The following COL4A3 variants were observed in gnomAD, a reference collection of about 807,000 sequenced individuals.
COL4A3 encodes collagen alpha-3(IV) chain.
A neutral mutation model predicts 217.4 loss-of-function variants in COL4A3; 135 were observed. That is an observed-to-expected ratio of 0.62 (90% CI 0.54 to 0.72). The LOEUF (loss-of-function observed/expected upper bound fraction) is 0.72. COL4A3 is among the 30% of genes least tolerant of loss of function. The probability of loss-of-function intolerance (pLI) is 0.00; values close to 1 mark genes in which losing one functional copy is unlikely to be tolerated. For synonymous variants in COL4A3, 690 were observed against 736.3 expected (o/e 0.94, Z 1.02); for missense variants, 1,868 against 2,119.9 (o/e 0.88, Z 2.33).
chr2:227,308,579 T>G (rs1342915154), intron 48 of COL4A3, among the ~76,000 whole-genome samples: 4 of 152,250 alleles, frequency 2.6e-5, no homozygotes, highest in African/African-American at 7.2e-5. Flanking sequence ...TATTAGCTAT[T>G]ATGTACATAT....
In COL4A3 at chr2:227,186,488, G is replaced by C. The variant is rs541469514; in HGVS notation, c.87+21675G>C. Among the ~76,000 whole-genome samples, 41 of 152,316 alleles carry C rather than the reference G, an allele frequency of 2.7e-4. No homozygotes were observed. The East Asian group carries it at 7.5e-3, about 28-fold the overall frequency. On this transcript the variant is annotated intron_variant, in intron 1 of 51. Coordinates refer to ENST00000396578, the MANE Select transcript of COL4A3 (RefSeq NM_000091.5). ...GTGTGGGGAACAGCTAATAGTGAGAGCAGCACAAAAGGAGTTTGAATTTGG... is the reference window on the plus strand; with the variant it reads ...GTGTGGGGAACAGCTAATAGTGAGACCAGCACAAAAGGAGTTTGAATTTGG...
intron 1 of COL4A3, among the ~76,000 whole-genome samples, chr2:227,174,631 C>T (rs573735580): frequency 2.2e-4 from 33 of 152,112 alleles, no homozygotes; most frequent in Non-Finnish European, 3.8e-4. Context: ...CTCAGCCTCC[C>T]GAGTAGCTGG....
intron 1 of COL4A3, among the ~76,000 whole-genome samples, chr2:227,195,774 G>A (rs2066451379): frequency 6.6e-6 from 1 of 150,460 alleles, no homozygotes; most frequent in African/African-American, 2.5e-5. Context: ...TTTATCATAG[G>A]AGATGACAGC....
chr2:227,306,113 T>C (rs2073490296), intron 47 of COL4A3, among the ~76,000 whole-genome samples: 1 of 152,240 alleles, frequency 6.6e-6, no homozygotes, highest in South Asian at 2.1e-4. Context: ...TGATAAACCA[T>C]TCTTATTAAG....
chr2:227,202,742 A>AT lies in COL4A3; in HGVS notation c.88-35226_88-35225insT, dbSNP rs2066747281. Reference sequence around the variant, plus strand: ...AGTGCGAGAATCCGTCTCTAAAAAAAAAAAATATATATATATATATATATA... The same window carrying AT: ...AGTGCGAGAATCCGTCTCTAAAAAAATAAAAATATATATATATATATATATA... On this transcript the variant is annotated intron_variant, in intron 1 of 51. Coordinates refer to ENST00000396578, the MANE Select transcript of COL4A3 (RefSeq NM_000091.5). Among the ~76,000 whole-genome samples, 11 of 90,220 alleles carry AT rather than the reference A, an allele frequency of 1.2e-4. 1 individual carries two copies. Among genetic ancestry groups the AT allele is most frequent in the Non-Finnish European group, 1.8e-4 (8 of 45,236 alleles). The allele number at this position is 90,220 out of a possible 152,430, so 59.2% of individuals were successfully genotyped here.
At chr2:227,308,753 C>G in intron 48 of COL4A3, 146 bp from the exon 49 acceptor site, 1 of 826,968 alleles carries the variant, frequency 1.2e-6, no homozygotes, top group East Asian at 2.6e-5. Context: ...GAAAACTTTT[C>G]AATACTACAT....
intron 50 of COL4A3, among the ~76,000 whole-genome samples, chr2:227,309,909 G>C (rs949678439): frequency 3.3e-5 from 5 of 152,122 alleles, no homozygotes; most frequent in African/African-American, 9.7e-5. Context: ...TTACAGGCAT[G>C]AGTCACTGCA....
At chr2:227,300,560 T>C (rs942254749) in intron 43 of COL4A3, among the ~76,000 whole-genome samples, 53 of 152,354 alleles carry the variant, frequency 3.5e-4, no homozygotes, top group Non-Finnish European at 5.1e-4. Context: ...TCTGTTTACA[T>C]CAAATCCTTG....
chr2:227,295,167 G>A, intron 40 of COL4A3, 102 bp from the exon 41 acceptor site: 2 of 1,502,050 alleles, frequency 1.3e-6, no homozygotes, highest in East Asian at 2.3e-5. Flanking sequence ...TGATAGAACT[G>A]ATTATCTTTA....
intron 51 of COL4A3, 83 bp downstream of exon 51, chr2:227,311,031 A>G: frequency 6.7e-7 from 1 of 1,488,352 alleles, no homozygotes. Context: ...GTCAACGAGT[A>G]GCCATGATTT....
At chr2:227,225,246 A>G (rs529862604) in intron 1 of COL4A3, among the ~76,000 whole-genome samples, 2 of 152,250 alleles carry the variant, frequency 1.3e-5, no homozygotes, top group South Asian at 4.1e-4. Flanking sequence ...TTTTTTTCAA[A>G]TGGTCCTATG....
At chr2:227,175,144 C>T (rs1030560694) in intron 1 of COL4A3, among the ~76,000 whole-genome samples, 7 of 152,096 alleles carry the variant, frequency 4.6e-5, no homozygotes, top group Non-Finnish European at 1.0e-4. Context: ...AGAGAGGCCA[C>T]ACACTACCAA....
intron 1 of COL4A3, among the ~76,000 whole-genome samples, chr2:227,182,679 T>G (rs1175892404): frequency 6.6e-6 from 1 of 152,212 alleles, no homozygotes; most frequent in Non-Finnish European, 1.5e-5. Context: ...ATAGCTATAT[T>G]ATTATCTCAG....
chr2:227,199,080 A>G (rs2066587577), intron 1 of COL4A3, among the ~76,000 whole-genome samples: 1 of 152,184 alleles, frequency 6.6e-6, no homozygotes, highest in African/African-American at 2.4e-5. Flanking sequence ...TCCTAAGGAC[A>G]GATTAGGAGC....
At chr2:227,308,326 CCTCAGA>C (rs1444218093) in intron 48 of COL4A3, among the ~76,000 whole-genome samples, 4 of 152,238 alleles carry the variant, frequency 2.6e-5, no homozygotes, top group Non-Finnish European at 5.9e-5. Flanking sequence ...CATCCTCCCA[CCTCAGA>C]CTCCCAAATG....
intron 1 of COL4A3, among the ~76,000 whole-genome samples, chr2:227,193,650 T>C (rs1009697436): frequency 1.3e-5 from 2 of 150,900 alleles, no homozygotes; most frequent in Non-Finnish European, 2.9e-5. Context: ...AGACTGAAGT[T>C]GCAGTGAGCC....
At chr2:227,295,218 T>C in intron 40 of COL4A3, 51 bp from the exon 41 acceptor site, 1 of 1,582,472 alleles carries the variant, frequency 6.3e-7, no homozygotes, top group Non-Finnish European at 8.7e-7. Context: ...CATAGACATA[T>C]AATGTAATGA....
intron 1 of COL4A3, among the ~76,000 whole-genome samples, chr2:227,207,394 A>G (rs2067141773): frequency 6.6e-6 from 1 of 152,166 alleles, no homozygotes; most frequent in South Asian, 2.1e-4. Context: ...TTATTTCCCT[A>G]CATTCTCCCT....
chr2:227,246,092 A>G, intron 6 of COL4A3, 76 bp downstream of exon 6: 1 of 1,129,504 alleles, frequency 8.9e-7, no homozygotes. Context: ...TGGCAATGAA[A>G]GGCAGACAGG....
Sources: allele counts gnomAD v4.1 joint callset (sites outside exome capture counted in the v4.1 genomes callset), GRCh38; gene constraint gnomAD v4.1.1; transcripts MANE v1.5; gene names NCBI Gene and HGNC (gene_info 2026-07-23, HGNC 2026-07-21).